Variants in TMEM164 observed in about 807,000 individuals in gnomAD.
The protein encoded by TMEM164 is RP13-360B22.2.
Under a neutral mutation model 18.8 loss-of-function variants are expected in TMEM164, and 4 were observed. The observed-to-expected ratio is 0.21, with a 90% CI of 0.10 to 0.49. The LOEUF is 0.49. TMEM164 is among the 20% of genes least tolerant of loss of function. The pLI, the probability that TMEM164 is intolerant of heterozygous loss-of-function variation, is 0.98. For missense variants in TMEM164, 108 were observed against 239.9 expected, an observed-to-expected ratio of 0.45 and a Z score of 3.63; for synonymous variants, 86 against 101.7, an observed-to-expected ratio of 0.85 and a Z score of 0.93.
In TMEM164 at chrX:110,008,126, T is replaced by C. The variant is rs367794231; in HGVS notation, c.390+3962T>C. On this transcript the variant is annotated intron_variant, in intron 2 of 6. Coordinates refer to ENST00000372068, the MANE Select transcript of TMEM164 (RefSeq NM_032227.4). Reference sequence around the variant, plus strand: ...AATCTAACTTCAACCAAATATGGCTTACCCGCTTTTGGTTCACTGTTTGAT... The same window carrying C: ...AATCTAACTTCAACCAAATATGGCTCACCCGCTTTTGGTTCACTGTTTGAT... Among the ~76,000 whole-genome samples the C allele has an allele frequency of 1.1e-4, 12 of 112,361 alleles. No homozygotes were observed. The East Asian group carries it at 3.3e-3, about 31-fold the overall frequency.
At chrX:110,137,272 G>T (rs1434067328) in intron 4 of TMEM164, among the ~76,000 whole-genome samples, 1 of 110,956 alleles carries the variant, frequency 9.0e-6, no homozygotes, top group Non-Finnish European at 1.9e-5. Context: ...TTCTTTTCTT[G>T]TACCTCACCT....
intron 3 of TMEM164, among the ~76,000 whole-genome samples, chrX:110,100,746 AT>A (rs921413502): frequency 2.5e-4 from 26 of 105,327 alleles, no homozygotes; most frequent in African/African-American, 6.9e-4. Flanking sequence ...TAATTTTTGT[AT>A]TTTTTTTTTA....
chrX:110,093,300 C>T (rs2065961517), intron 3 of TMEM164, among the ~76,000 whole-genome samples: 1 of 111,832 alleles, frequency 8.9e-6, no homozygotes, highest in South Asian at 3.7e-4. Context: ...TAGAATTCGG[C>T]TGTGAATTCA....
chrX:110,024,034 G>A (rs1934058993), intron 2 of TMEM164, among the ~76,000 whole-genome samples: 2 of 111,440 alleles, frequency 1.8e-5, no homozygotes, highest in African/African-American at 6.5e-5. Flanking sequence ...AGACCAGATG[G>A]TATCTAAGAC....
intron 5 of TMEM164, among the ~76,000 whole-genome samples, chrX:110,160,219 G>A (rs2067074582): frequency 8.9e-6 from 1 of 111,970 alleles, no homozygotes; most frequent in Admixed American, 9.4e-5. Context: ...TTGAATGGGG[G>A]GAAGTCACAT....
chrX:110,147,611 T>C (rs755743762), intron 5 of TMEM164, among the ~76,000 whole-genome samples: 13 of 110,496 alleles, frequency 1.2e-4, no homozygotes, highest in Admixed American at 3.9e-4. Flanking sequence ...TTCTCTCTCT[T>C]TTTTTTTCAT....
chrX:110,102,869 C>A (rs2066132584), intron 3 of TMEM164, among the ~76,000 whole-genome samples: 1 of 112,443 alleles, frequency 8.9e-6, no homozygotes, highest in Non-Finnish European at 1.9e-5. Context: ...TATTTCACTT[C>A]TTGCCTTCTC....
intron 4 of TMEM164, among the ~76,000 whole-genome samples, chrX:110,134,662 G>A (rs1264131127): frequency 1.9e-5 from 2 of 105,842 alleles, no homozygotes; most frequent in African/African-American, 7.0e-5. Context: ...AGATGGAATA[G>A]CATGTGCCTG....
At chrX:110,072,704 C>T (rs2065612881) in intron 3 of TMEM164, among the ~76,000 whole-genome samples, 1 of 111,044 alleles carries the variant, frequency 9.0e-6, no homozygotes, top group South Asian at 3.7e-4. Context: ...TTTATTTATT[C>T]TTTCTACCTT....
chrX:110,097,777 CTT>C (rs1207913505), intron 3 of TMEM164, among the ~76,000 whole-genome samples: 2 of 111,776 alleles, frequency 1.8e-5, no homozygotes, highest in Non-Finnish European at 3.8e-5. Flanking sequence ...ATGTTTAAAA[CTT>C]TAAGTGTAAA....
At chrX:110,065,740 T>A (rs1602558771) in intron 2 of TMEM164, among the ~76,000 whole-genome samples, 1 of 111,119 alleles carries the variant, frequency 9.0e-6, no homozygotes, top group Non-Finnish European at 1.9e-5. Flanking sequence ...GCATGTAGAG[T>A]CTTTTACATA....
At chrX:110,080,560 A>T (rs2065738093) in intron 3 of TMEM164, among the ~76,000 whole-genome samples, 1 of 111,778 alleles carries the variant, frequency 8.9e-6, no homozygotes, top group Admixed American at 9.5e-5. Flanking sequence ...CCCATCCCTG[A>T]TCCCTGGCAA....
chrX:110,072,582 G>A (rs767514102), intron 3 of TMEM164, among the ~76,000 whole-genome samples: 1 of 111,121 alleles, frequency 9.0e-6, no homozygotes, highest in East Asian at 2.8e-4. Flanking sequence ...CTGTAGTCAT[G>A]TATTTTTTCT....
chrX:110,135,411 A>T (rs887501926), intron 4 of TMEM164, among the ~76,000 whole-genome samples: 3 of 111,356 alleles, frequency 2.7e-5, no homozygotes, highest in Non-Finnish European at 3.8e-5. Context: ...TAAATTACAA[A>T]TTTTTTGTAA....
chrX:110,056,314 A>G (rs1191174575), intron 2 of TMEM164, among the ~76,000 whole-genome samples: 1 of 111,671 alleles, frequency 9.0e-6, no homozygotes, highest in East Asian at 2.8e-4. Context: ...TCTTTCACTT[A>G]GTATGTTTTC....
At chrX:110,080,093 C>T (rs2065730721) in intron 3 of TMEM164, among the ~76,000 whole-genome samples, 1 of 111,643 alleles carries the variant, frequency 9.0e-6, no homozygotes, top group African/African-American at 3.3e-5. Flanking sequence ...CCAAGCTTCA[C>T]TATAAATTTG....
intron 3 of TMEM164, among the ~76,000 whole-genome samples, chrX:110,078,392 A>G (rs1166821487): frequency 9.0e-6 from 1 of 111,632 alleles, no homozygotes; most frequent in African/African-American, 3.3e-5. Flanking sequence ...TTGAGTTTCA[A>G]CTTTCTCTGG....
intron 5 of TMEM164, among the ~76,000 whole-genome samples, chrX:110,153,554 A>T (rs1431635916): frequency 9.0e-6 from 1 of 111,514 alleles, no homozygotes; most frequent in Non-Finnish European, 1.9e-5. Flanking sequence ...AAATACAGTC[A>T]TCTCTCGGTA....
chrX:110,062,627 A>AG lies in TMEM164; in HGVS notation c.391-4718dup, dbSNP rs760672245. Reference sequence around the variant, plus strand: ...AGATGTAATTTACATGTGCAACCAGAGGATATTGGTTGAGTAAATTATTGC... The same window carrying AG: ...AGATGTAATTTACATGTGCAACCAGAGGGATATTGGTTGAGTAAATTATTGC... On this transcript the variant is annotated intron_variant, in intron 2 of 6. Coordinates refer to ENST00000372068, the MANE Select transcript of TMEM164 (RefSeq NM_032227.4). Among the ~76,000 whole-genome samples, 142 of 112,127 alleles carry AG rather than the reference A, an allele frequency of 1.3e-3. 2 individuals are homozygous for AG. Among genetic ancestry groups the AG allele is most frequent in the Admixed American group, 0.012 (123 of 10,556 alleles).
Sources: gnomAD v4.1 joint callset for allele counts (sites outside exome capture counted in the v4.1 genomes callset) on GRCh38, gnomAD v4.1.1 for gene constraint, MANE v1.5 for transcripts, NCBI Gene and HGNC (gene_info 2026-07-23, HGNC 2026-07-21) for gene names.